The following TNFSF13B variants were observed in gnomAD, a reference collection of about 807,000 sequenced individuals.
TNFSF13B encodes the protein TNF superfamily member 13b.
TNFSF13B carries 8 observed loss-of-function variants against 29.1 expected under a neutral mutation model. That is an observed-to-expected ratio of 0.27 (90% confidence interval 0.16 to 0.50). TNFSF13B has a LOEUF of 0.50. TNFSF13B is among the 20% of genes least tolerant of loss of function. The probability of loss-of-function intolerance (pLI) is 0.98; values close to 1 mark genes in which losing one functional copy is unlikely to be tolerated. For missense variants in TNFSF13B, 248 were observed against 334.9 expected (o/e 0.74, Z 2.03); for synonymous variants, 125 against 130.8 (o/e 0.96, Z 0.30).
intron 2 of TNFSF13B, among the ~76,000 whole-genome samples, chr13:108,271,322 C>T (rs1046073666): frequency 3.9e-5 from 6 of 152,076 alleles, no homozygotes; most frequent in African/African-American, 9.6e-5. Flanking sequence ...CATACTATTT[C>T]GTTTAACCTT....
At chr13:108,302,857 T>C in intron 3 of TNFSF13B, 1 of 988,512 alleles carries the variant, frequency 1.0e-6, no homozygotes, top group Non-Finnish European at 1.2e-6. Flanking sequence ...CTTCAGATAC[T>C]CTTTCCTCTC....
rs531826186 is a variant in TNFSF13B, at chr13:108,272,896, G to A, written c.424+2472G>A. Among the ~76,000 whole-genome samples, 10 of 151,940 alleles carry A rather than the reference G, an allele frequency of 6.6e-5. No homozygotes were observed. The East Asian group carries it at 1.9e-3, about 29-fold the overall frequency. ...TGTAGACTCATTTCAGCAGATTTAA[G>A]AAGAAAAGAATAATAGAGTAGGAAA... On this transcript the variant is annotated intron_variant, in intron 2 of 5. Transcript: ENST00000375887.
intron 2 of TNFSF13B, among the ~76,000 whole-genome samples, chr13:108,284,351 TAAATGAATAAATAAACAAACAAACAAAC>T (rs1475838026): frequency 2.0e-5 from 3 of 149,094 alleles, no homozygotes; most frequent in Admixed American, 6.8e-5. Context: ...AATAAATAAA[TAAATGAATAAATAAACAAACAAACAAAC>T]AAACAAACAA....
intron 2 of TNFSF13B, among the ~76,000 whole-genome samples, chr13:108,272,637 A>C (rs1047517736): frequency 1.3e-5 from 2 of 151,944 alleles, no homozygotes; most frequent in Non-Finnish European, 2.9e-5. Context: ...TGAAAAGCTT[A>C]CTGTGTTTTA....
chr13:108,294,525 G>T (rs765808177), intron 3 of TNFSF13B, among the ~76,000 whole-genome samples: 12 of 151,960 alleles, frequency 7.9e-5, no homozygotes, highest in Non-Finnish European at 1.6e-4. Flanking sequence ...AATAGAGATC[G>T]TTTTACTACT....
At chr13:108,277,005 T>C (rs2139043739) in intron 2 of TNFSF13B, among the ~76,000 whole-genome samples, 1 of 152,300 alleles carries the variant, frequency 6.6e-6, no homozygotes, top group East Asian at 1.9e-4. Context: ...AACAGAAGGT[T>C]TCTCTTCAAA....
intron 3 of TNFSF13B, chr13:108,302,648 TGGA>T (rs2139069956): frequency 5.3e-6 from 1 of 188,320 alleles, no homozygotes; most frequent in East Asian, 1.9e-4. Context: ...TGATGGGTAA[TGGA>T]GGAGAATTAT....
chr13:108,282,906 G>A (rs1023278648), intron 2 of TNFSF13B, among the ~76,000 whole-genome samples: 11 of 152,148 alleles, frequency 7.2e-5, no homozygotes, highest in Admixed American at 5.2e-4. Context: ...CCTTTCAATT[G>A]TAGTAGAGGG....
At chr13:108,284,284 G>C (rs549048164) in intron 2 of TNFSF13B, among the ~76,000 whole-genome samples, 11 of 152,216 alleles carry the variant, frequency 7.2e-5, no homozygotes, top group Non-Finnish European at 1.5e-4. Flanking sequence ...AGCTGAGATC[G>C]CGCCACTGCA....
intron 2 of TNFSF13B, among the ~76,000 whole-genome samples, chr13:108,271,282 C>T (rs949129825): frequency 6.6e-6 from 1 of 151,964 alleles, no homozygotes; most frequent in East Asian, 1.9e-4. Context: ...ACGTATCGTA[C>T]AGCTATAGAC....
At chr13:108,296,162 G>T (rs1001170972) in intron 3 of TNFSF13B, among the ~76,000 whole-genome samples, 1 of 145,500 alleles carries the variant, frequency 6.9e-6, no homozygotes, top group Non-Finnish European at 1.5e-5. Flanking sequence ...CTCTTACCTA[G>T]ATGGTCTAGC....
chr13:108,282,869 A>G (rs187280002), intron 2 of TNFSF13B, among the ~76,000 whole-genome samples: 3 of 152,342 alleles, frequency 2.0e-5, no homozygotes, highest in Middle Eastern at 3.4e-3. Context: ...AACATAAAAA[A>G]AACTATTCTT....
At chr13:108,288,785 C>T (rs905422486) in intron 3 of TNFSF13B, among the ~76,000 whole-genome samples, 6 of 152,026 alleles carry the variant, frequency 3.9e-5, no homozygotes, top group African/African-American at 1.2e-4. Flanking sequence ...GCAAAGCAGG[C>T]GGGGGCAGGA....
rs1428110531 is a variant in TNFSF13B at position 108,295,242 on chromosome 13, T to C, written c.482-8011T>C. 2.1e-5 allele frequency among the ~76,000 whole-genome samples: 3 copies of C among 145,742 alleles called. 1 individual carries two copies. The highest frequency in any genetic ancestry group is 4.6e-5 in the Non-Finnish European group (3 of 65,622). On this transcript the variant is annotated intron_variant, in intron 3 of 5. Transcript: ENST00000375887. ...CAGCCTGGAGTGCAATGGTGCGATC[T>C]CGGCTCACTGCAACCTTTGCCTCCC...
intron 2 of TNFSF13B, among the ~76,000 whole-genome samples, chr13:108,274,859 A>C (rs1317812490): frequency 2.6e-5 from 4 of 152,176 alleles, no homozygotes; most frequent in Admixed American, 2.0e-4. Context: ...ACTTCACACA[A>C]ACTGTAGAAG....
intron 3 of TNFSF13B, among the ~76,000 whole-genome samples, chr13:108,291,217 T>C (rs1008533034): frequency 6.6e-6 from 1 of 151,896 alleles, no homozygotes; most frequent in Non-Finnish European, 1.5e-5. Flanking sequence ...ATTTTTCTTT[T>C]TTTTCTATTA....
At chr13:108,305,467 A>G (rs1458742842) in intron 5 of TNFSF13B, among the ~76,000 whole-genome samples, 1 of 152,162 alleles carries the variant, frequency 6.6e-6, no homozygotes, top group African/African-American at 2.4e-5. Context: ...AATGGACTCT[A>G]TAGTTGTTCA....
In TNFSF13B at chr13:108,307,846, T is replaced by C. The variant is rs536447157; in HGVS notation, c.*908T>C. 6.6e-6 allele frequency: 1 copy of C among 152,078 alleles called. No individual in the cohort carries two copies. The highest frequency in any genetic ancestry group is 1.5e-5 in the Non-Finnish European group (1 of 67,950). The allele number at this position is 152,078 out of a possible 1,614,324, so 9.4% of individuals were successfully genotyped here. A position where few individuals can be genotyped will look rare whatever the true frequency, so the allele number is the denominator to read the frequency against. ...CTGTTTCAAACTGCTGCTATTGTAG[T>C]TTACATATCCCAACCTTTAAAAATA... On this transcript the variant is annotated 3_prime_UTR_variant, in exon 6 of 6. Transcript: ENST00000375887.
chr13:108,273,233 GA>G (rs1232630329), intron 2 of TNFSF13B, among the ~76,000 whole-genome samples: 4 of 151,704 alleles, frequency 2.6e-5, no homozygotes, highest in Non-Finnish European at 5.9e-5. Context: ...CTTACAGGTG[GA>G]TTTTTTTTTT....
Sources: gnomAD v4.1 joint callset for allele counts (sites outside exome capture counted in the v4.1 genomes callset) on GRCh38, gnomAD v4.1.1 for gene constraint, MANE v1.5 for transcripts, NCBI Gene and HGNC (gene_info 2026-07-23, HGNC 2026-07-21) for gene names.